The following PHF20 variants were observed in gnomAD, a reference collection of about 807,000 sequenced individuals.
PHF20 encodes glioma-expressed antigen 2.
Under a neutral mutation model 113.5 loss-of-function variants are expected in PHF20, and 23 were observed. That is an observed-to-expected ratio of 0.20 (90% CI 0.15 to 0.29). The LOEUF is 0.29. PHF20 is among the 10% of genes least tolerant of loss of function. The pLI is 1.00. For synonymous variants in PHF20, 434 were observed against 457.3 expected, an observed-to-expected ratio of 0.95 and a Z score of 0.65; for missense variants, 943 against 1,219.6, an observed-to-expected ratio of 0.77 and a Z score of 3.38.
chr20:35,937,342 C>T (rs1169453845), intron 15 of PHF20, among the ~76,000 whole-genome samples: 1 of 151,932 alleles, frequency 6.6e-6, no homozygotes, highest in East Asian at 1.9e-4. Context: ...GTGACGCATG[C>T]CTGTAATCCC....
At chr20:35,927,659 A>G (rs941847729) in intron 13 of PHF20, 121 bp from the exon 14 acceptor site, 12 of 746,952 alleles carry the variant, frequency 1.6e-5, no homozygotes, top group Non-Finnish European at 2.9e-5. Context: ...GTCAGGAGGG[A>G]GTGCTCCTTC....
At chr20:35,842,834 G>C (rs139276029) in intron 3 of PHF20, 90 bp downstream of exon 3, 1 of 1,118,168 alleles carries the variant, frequency 8.9e-7, no homozygotes, top group African/African-American at 1.6e-5. Context: ...AGCAGCTGGA[G>C]ACCAGTTCTT....
chr20:35,929,304 G>A (rs2055705299), intron 14 of PHF20, among the ~76,000 whole-genome samples: 1 of 152,226 alleles, frequency 6.6e-6, no homozygotes, highest in Non-Finnish European at 1.5e-5. Flanking sequence ...ACAGCATGCA[G>A]GTCCCCTCTG....
chr20:35,863,650 T>G (rs2054260004), intron 6 of PHF20, among the ~76,000 whole-genome samples: 1 of 152,230 alleles, frequency 6.6e-6, no homozygotes, highest in Non-Finnish European at 1.5e-5. Context: ...GACTAGATAC[T>G]TCAGCTTATA....
chr20:35,941,218 T>G (rs1407309133), intron 17 of PHF20, among the ~76,000 whole-genome samples, 171 bp downstream of exon 17: 1 of 152,220 alleles, frequency 6.6e-6, no homozygotes, highest in African/African-American at 2.4e-5. Context: ...TGAGCCTTAC[T>G]TTTAGTATTT....
chr20:35,877,106 CAAAAAAAAAAAA>C (rs760494622), intron 9 of PHF20, among the ~76,000 whole-genome samples: 1 of 32,372 alleles, frequency 3.1e-5, no homozygotes, highest in African/African-American at 1.0e-4. Context: ...GACTCTGTCT[CAAAAAAAAAAAA>C]AAAAAAAAAA....
At chr20:35,896,643 G>GAA (rs112447629) in intron 9 of PHF20, among the ~76,000 whole-genome samples, 9 of 142,206 alleles carry the variant, frequency 6.3e-5, no homozygotes, top group Middle Eastern at 3.6e-3. Flanking sequence ...CTAAAGCTAT[G>GAA]AAAAAAAAAA....
intron 2 of PHF20, among the ~76,000 whole-genome samples, chr20:35,840,682 G>A (rs919087231): frequency 1.3e-5 from 2 of 152,116 alleles, no homozygotes; most frequent in Non-Finnish European, 2.9e-5. Flanking sequence ...GCAACATCTG[G>A]GAGCTTGTGA....
At chr20:35,907,606 G>A (rs2055223564) in intron 10 of PHF20, among the ~76,000 whole-genome samples, 1 of 152,218 alleles carries the variant, frequency 6.6e-6, no homozygotes, top group Admixed American at 6.5e-5. Flanking sequence ...TTCCAAGTTC[G>A]TTACTTGTAT....
At chr20:35,859,072 C>G (rs1381169950) in intron 5 of PHF20, among the ~76,000 whole-genome samples, 2 of 152,236 alleles carry the variant, frequency 1.3e-5, no homozygotes, top group Non-Finnish European at 2.9e-5. Context: ...TTCTGTCCAT[C>G]TAGCTCTGTC....
intron 2 of PHF20, among the ~76,000 whole-genome samples, chr20:35,839,390 C>CAAAAA (rs752680212): frequency 1.2e-4 from 8 of 67,848 alleles, no homozygotes; most frequent in South Asian, 4.7e-4. Context: ...GATTCCATCT[C>CAAAAA]AAAAAAAAAA....
intron 1 of PHF20, among the ~76,000 whole-genome samples, chr20:35,793,080 C>T (rs1446854614): frequency 6.6e-6 from 1 of 152,134 alleles, no homozygotes; most frequent in Non-Finnish European, 1.5e-5. Flanking sequence ...CCAGGTATCA[C>T]TGGACCGGCT....
At chr20:35,794,967 A>G (rs559394578) in intron 1 of PHF20, among the ~76,000 whole-genome samples, 4 of 152,046 alleles carry the variant, frequency 2.6e-5, no homozygotes, top group Non-Finnish European at 5.9e-5. Context: ...TGAGGTGGGC[A>G]AATCACCTGA....
chr20:35,913,684 T>C (rs1430728385), intron 11 of PHF20, among the ~76,000 whole-genome samples: 1 of 152,236 alleles, frequency 6.6e-6, no homozygotes, highest in African/African-American at 2.4e-5. Flanking sequence ...AAAACACATC[T>C]TTGAGCCCTC....
chr20:35,924,908 C>CT (rs1377859575), intron 13 of PHF20, among the ~76,000 whole-genome samples: 1 of 151,732 alleles, frequency 6.6e-6, no homozygotes, highest in East Asian at 1.9e-4. Flanking sequence ...GCCCATTTTT[C>CT]TTTTTTTTAA....
In PHF20 at chr20:35,950,261, A is replaced by T. The variant is rs892243076; in HGVS notation, c.*2634A>T. On this transcript the variant is annotated 3_prime_UTR_variant, in exon 18 of 18. Transcript: ENST00000374012. ...GGATACATATCTATGTTTACGCGCT[A>T]TTAGAACAGAAGGCGCTGTATATAG... 2.0e-5 allele frequency: 3 copies of T among 152,662 alleles called. No homozygotes were observed. Among genetic ancestry groups the T allele is most frequent in the Non-Finnish European group, 2.9e-5 (2 of 68,046 alleles). 9.5% of individuals were successfully genotyped at this position (152,662 alleles called of 1,614,324 possible).
intron 10 of PHF20, among the ~76,000 whole-genome samples, chr20:35,911,176 G>C (rs1879991362): frequency 6.6e-6 from 1 of 152,090 alleles, no homozygotes; most frequent in South Asian, 2.1e-4. Flanking sequence ...CAGTAGCTGG[G>C]ACTACAGGCG....
intron 3 of PHF20, among the ~76,000 whole-genome samples, chr20:35,845,683 C>A (rs2146942566): frequency 6.6e-6 from 1 of 152,080 alleles, no homozygotes; most frequent in Non-Finnish European, 1.5e-5. Flanking sequence ...TTGTGCCTGG[C>A]TAGTTTTAAG....
At chr20:35,937,637 T>C (rs1459968595) in intron 15 of PHF20, among the ~76,000 whole-genome samples, 2 of 152,144 alleles carry the variant, frequency 1.3e-5, no homozygotes, top group Admixed American at 1.3e-4. Flanking sequence ...TTCCTTAATT[T>C]TCTCCTGGAT....
Sources: allele counts gnomAD v4.1 joint callset (sites outside exome capture counted in the v4.1 genomes callset), GRCh38; gene constraint gnomAD v4.1.1; transcripts MANE v1.5; gene names NCBI Gene and HGNC (gene_info 2026-07-23, HGNC 2026-07-21).